The following TREML4 variants were observed in gnomAD, a reference collection of about 807,000 sequenced individuals.
TREML4 encodes the protein trem-like transcript 4 protein.
Under a neutral mutation model 25.4 loss-of-function variants are expected in TREML4, and 25 were observed. The ratio of observed to expected loss-of-function variants is 0.98; its 90% CI spans 0.72 to 1.37. The LOEUF (loss-of-function observed/expected upper bound fraction) is 1.37. Ranked by LOEUF, TREML4 falls within the 40% of genes most tolerant of loss-of-function variation. The probability of loss-of-function intolerance (pLI) is 0.00; values close to 1 mark genes in which losing one functional copy is unlikely to be tolerated. For synonymous variants in TREML4, 92 were observed against 87.9 expected (o/e 1.05, Z -0.26); for missense variants, 268 against 236.5 (o/e 1.13, Z -0.87).
At position 41,235,016 on chromosome 6, in the gene TREML4, C is replaced by A. The variant is rs557190974; in HGVS notation, c.507-1470C>A. Reference sequence around the variant, plus strand: ...ATTCAAGAGTGCATTGAAAAGAAGACTGATTATAATCGAGGAGAGTCTTAT... The same window carrying A: ...ATTCAAGAGTGCATTGAAAAGAAGAATGATTATAATCGAGGAGAGTCTTAT... On this transcript the variant is annotated intron_variant, in intron 4 of 5. Coordinates refer to ENST00000341495, the MANE Select transcript of TREML4 (RefSeq NM_198153.3). Among the ~76,000 whole-genome samples, 5 of 152,076 alleles carry A rather than the reference C, an allele frequency of 3.3e-5. No homozygotes were observed. The East Asian group carries it at 9.6e-4, about 29-fold the overall frequency.
intron 2 of TREML4, 22 bp from the exon 3 acceptor site, chr6:41,229,499 G>A (rs769887783): frequency 1.2e-6 from 2 of 1,613,648 alleles, no homozygotes; most frequent in East Asian, 4.5e-5. Flanking sequence ...GAGAGTCATT[G>A]TCTGCTGTCT....
intron 5 of TREML4, 103 bp from the exon 6 acceptor site, chr6:41,236,952 G>A (rs35138086): frequency 2.8e-4 from 49 of 177,060 alleles, no homozygotes; most frequent in African/African-American, 1.1e-3. Flanking sequence ...GAAGGCGGGG[G>A]AGGGGCGGGA....
At position 41,229,533 on chromosome 6, in the gene TREML4, C is replaced by T. The variant is rs144658876; in HGVS notation, c.407C>T (p.Ser136Phe). 627 of 1,613,970 alleles carry T rather than the reference C, an allele frequency of 3.9e-4. No individual in the cohort carries two copies. The African/African-American group carries it at 6.8e-3, about 17-fold the overall frequency. Reference protein sequence around the residue: ...SLVVSPAPTTSPMWTLPWLPT... With the variant: ...SLVVSPAPTTFPMWTLPWLPT... ...CTTTTCTCTTTAGCCCCAACCACGT[C>T]TCCTATGTGGACTCTTCCCTGGCTC... Residue 136 changes from serine to phenylalanine, a missense_variant, in exon 3 of 6, where the codon TCT becomes TTT. Transcript: ENST00000341495.
At chr6:41,232,892 T>G (rs1397134248) in intron 4 of TREML4, among the ~76,000 whole-genome samples, 1 of 152,108 alleles carries the variant, frequency 6.6e-6, no homozygotes, top group Non-Finnish European at 1.5e-5. Flanking sequence ...CACCAGCCAC[T>G]CCCCTCCCGC....
chr6:41,228,372 G>A lies in TREML4; in HGVS notation c.-56G>A, dbSNP rs1380899051. On this transcript the variant is annotated 5_prime_UTR_variant, in exon 1 of 6. Transcript: ENST00000341495. Reference sequence around the variant, plus strand: ...TCAGACCCAGCGTCTGACTCCTCCTGAGAGGGCTCCCTTTTTTCTCCTCTC... The same window carrying A: ...TCAGACCCAGCGTCTGACTCCTCCTAAGAGGGCTCCCTTTTTTCTCCTCTC... 1.4e-6 allele frequency: 2 copies of A among 1,381,460 alleles called. No individual in the cohort carries two copies. The highest frequency in any genetic ancestry group is 5.0e-5 in the East Asian group (2 of 40,352). The allele number at this position is 1,381,460 out of a possible 1,614,324, so 85.6% of individuals were successfully genotyped here. A position where few individuals can be genotyped will look rare whatever the true frequency, so the allele number is the denominator to read the frequency against.
chr6:41,238,032 A>C lies in TREML4; in HGVS notation c.*1013A>C, dbSNP rs1982756. On this transcript the variant is annotated 3_prime_UTR_variant, in exon 6 of 6. Transcript: ENST00000341495. ...AGAATGGGGGTCCACCATGAGCAAC[A>C]GATTTGAGGTACCAGTGCATAGCAG... 129,371 of 152,156 alleles carry C rather than the reference A, an allele frequency of 0.85. 55,630 individuals carry two copies. Among genetic ancestry groups the C allele is most frequent in the East Asian group, 0.95 (4,931 of 5,180 alleles). The allele number at this position is 152,156 out of a possible 1,614,324, so 9.4% of individuals were successfully genotyped here. A position where few individuals can be genotyped will look rare whatever the true frequency, so the allele number is the denominator to read the frequency against.
intron 1 of TREML4, 51 bp from the exon 2 acceptor site, chr6:41,228,663 G>T: frequency 6.4e-7 from 1 of 1,565,066 alleles, no homozygotes; most frequent in Non-Finnish European, 8.7e-7. Flanking sequence ...GGGAGGTTGG[G>T]TCCCTTCAGA....
chr6:41,232,279 AACC>A, intron 4 of TREML4: 1 of 280,546 alleles, frequency 3.6e-6, no homozygotes, highest in South Asian at 3.1e-5. Context: ...ATGAAAAGTA[AACC>A]CTGGAGACGC....
At chr6:41,229,934 C>T in intron 3 of TREML4, 128 bp from the exon 4 acceptor site, 2 of 792,954 alleles carry the variant, frequency 2.5e-6, no homozygotes, top group Non-Finnish European at 4.4e-6. Context: ...CCTCAGTTAC[C>T]CTTAGCCTGA....
chr6:41,230,931 C>A (rs1766783704), intron 4 of TREML4, among the ~76,000 whole-genome samples: 1 of 152,198 alleles, frequency 6.6e-6, no homozygotes, highest in Non-Finnish European at 1.5e-5. Flanking sequence ...TGCCTGAGCT[C>A]TGCCTCCTGT....
At position 41,229,549 on chromosome 6, in the gene TREML4, T is replaced by C. The variant is rs1170061708; in HGVS notation, c.423T>C (p.Leu141=). 1.2e-6 allele frequency: 2 copies of C among 1,613,634 alleles called. No homozygotes were observed. The highest frequency in any genetic ancestry group is 2.7e-5 in the African/African-American group (2 of 74,850). The change falls in exon 3 of 6, where the codon CTT becomes CTC. Residue 141 remains leucine (L), a synonymous_variant. Coordinates refer to ENST00000341495, the MANE Select transcript of TREML4 (RefSeq NM_198153.3). ...PAPTTSPMWT[L]PWLPTSTVLI... ...CAACCACGTCTCCTATGTGGACTCTTCCCTGGCTCCCAACAAGCACAGGTA... is the reference window on the plus strand; with the variant it reads ...CAACCACGTCTCCTATGTGGACTCTCCCCTGGCTCCCAACAAGCACAGGTA...
rs1766733016 is a variant in TREML4, at chr6:41,228,939, A to T, written c.289A>T (p.Ile97Phe). The T allele has an allele frequency of 6.2e-7, 1 of 1,614,070 alleles. No homozygotes were observed. The change falls in exon 2 of 6, where the codon ATT (isoleucine) becomes TTT (phenylalanine). Residue 97 changes from isoleucine to phenylalanine, a missense_variant. Physicochemically the swap from Ile to Phe is conservative, Grantham distance 21 (BLOSUM62 0). Coordinates refer to ENST00000341495, the MANE Select transcript of TREML4 (RefSeq NM_198153.3). ...PNAGFFNITM[I>F]QLTQNDSGFY... ...TGCTGGCTTCTTCAACATCACCATGATTCAGCTGACACAGAATGACTCGGG... is the reference window on the plus strand; with the variant it reads ...TGCTGGCTTCTTCAACATCACCATGTTTCAGCTGACACAGAATGACTCGGG...
At chr6:41,236,654 C>T in intron 5 of TREML4, 37 bp downstream of exon 5, 1 of 1,212,524 alleles carries the variant, frequency 8.2e-7, no homozygotes. Flanking sequence ...GGCAATGGAG[C>T]TGGGGCCAGA....
rs745664309 is a variant in TREML4, at chr6:41,229,553, T to A, written c.427T>A (p.Trp143Arg). Residue 143 changes from tryptophan to arginine, a missense_variant, in exon 3 of 6, where the codon TGG (tryptophan) becomes AGG (arginine). Transcript: ENST00000341495. ...PTTSPMWTLP[W>R]LPTSTVLITS... ...CACGTCTCCTATGTGGACTCTTCCC[T>A]GGCTCCCAACAAGCACAGGTAGGTT... 2.5e-6 allele frequency: 4 copies of A among 1,613,734 alleles called. No homozygotes were observed. In the Admixed American group the frequency reaches 6.7e-5, roughly 27 times the overall value.
Position 41,237,629 on chromosome 6 carries a change from A to T in TREML4, c.*610A>T, listed in dbSNP as rs1766929701. On this transcript the variant is annotated 3_prime_UTR_variant, in exon 6 of 6. Coordinates refer to ENST00000341495, the MANE Select transcript of TREML4 (RefSeq NM_198153.3). The stretch of plus-strand genomic sequence containing the variant: ...CCACCCCAGATATCCTAAATGAGAG[A>T]GAAATGACTTAAAAATAAATGATAA... 1 of 152,208 alleles carries T rather than the reference A, an allele frequency of 6.6e-6. No homozygotes were observed. The highest frequency in any genetic ancestry group is 1.5e-5 in the Non-Finnish European group (1 of 68,038). The allele number at this position is 152,208 out of a possible 1,614,324, so 9.4% of individuals were successfully genotyped here.
In TREML4 at chr6:41,229,027, G is replaced by T; in HGVS notation, c.377G>T (p.Ser126Ile). The T allele has an allele frequency of 6.2e-7, 1 of 1,613,470 alleles. No individual in the cohort carries two copies. Among genetic ancestry groups the T allele is most frequent in the Non-Finnish European group, 8.5e-7 (1 of 1,179,540 alleles). Reference protein sequence around the residue: ...ENIITVLRNISLVVSPAPTTS... With the variant: ...ENIITVLRNIILVVSPAPTTS... Reference sequence around the variant, plus strand: ...ATCATCACTGTTCTTAGAAATATCAGCCTGGTGGTGTCTCCAGGTGAGCTC... The same window carrying T: ...ATCATCACTGTTCTTAGAAATATCATCCTGGTGGTGTCTCCAGGTGAGCTC... Residue 126 changes from serine (S) to isoleucine (I), a missense_variant, in exon 2 of 6, where the codon AGC (serine) becomes ATC (isoleucine). By Grantham distance (142) the Ser-to-Ile change is moderately radical. Coordinates refer to ENST00000341495, the MANE Select transcript of TREML4 (RefSeq NM_198153.3).
At chr6:41,234,769 C>CAGGT (rs1766867188) in intron 4 of TREML4, among the ~76,000 whole-genome samples, 1 of 151,354 alleles carries the variant, frequency 6.6e-6, no homozygotes, top group African/African-American at 2.4e-5. Context: ...ATGTGGTTTT[C>CAGGT]AGGTAACCCA....
chr6:41,236,178 G>T (rs752588770), intron 4 of TREML4, among the ~76,000 whole-genome samples: 1 of 141,146 alleles, frequency 7.1e-6, no homozygotes, highest in South Asian at 2.2e-4. Flanking sequence ...GGTCCCATCC[G>T]ACCTGACCTG....
intron 1 of TREML4, 86 bp from the exon 2 acceptor site, chr6:41,228,628 C>T (rs893751875): frequency 5.9e-6 from 9 of 1,513,756 alleles, no homozygotes; most frequent in Non-Finnish European, 8.1e-6. Flanking sequence ...ACTAGTTCCC[C>T]CTCCCCTTCC....
Sources: allele counts gnomAD v4.1 joint callset (sites outside exome capture counted in the v4.1 genomes callset), GRCh38; gene constraint gnomAD v4.1.1; transcripts MANE v1.5; gene names NCBI Gene and HGNC (gene_info 2026-07-23, HGNC 2026-07-21).